Variants in USP8 observed in about 807,000 individuals in gnomAD.
The protein encoded by USP8 is ubiquitin carboxyl-terminal hydrolase 8.
USP8 carries 27 observed loss-of-function variants against 130.0 expected under a neutral mutation model. The observed-to-expected ratio is 0.21, with a 90% CI of 0.15 to 0.29. The LOEUF (loss-of-function observed/expected upper bound fraction) is 0.29, where lower values mean the gene tolerates loss of function less well. USP8 is among the 10% of genes least tolerant of loss of function. USP8 has a pLI of 1.00. For missense variants in USP8, 1,029 were observed against 1,312.2 expected (o/e 0.78, Z 3.33); for synonymous variants, 392 against 444.1 (o/e 0.88, Z 1.48).
rs2052680759 is a variant in USP8, at chr15:50,507,713, C to CAAT, written c.*8627_*8629dup. The CAAT allele has an allele frequency of 6.6e-6, 1 of 152,014 alleles. No homozygotes were observed. The highest frequency in any genetic ancestry group is 1.5e-5 in the Non-Finnish European group (1 of 68,000). The allele number at this position is 152,014 out of a possible 1,614,324, so 9.4% of individuals were successfully genotyped here. A position where few individuals can be genotyped will look rare whatever the true frequency, so the allele number is the denominator to read the frequency against. On this transcript the variant is annotated 3_prime_UTR_variant, in exon 20 of 20. Transcript: ENST00000307179. ...AATATTAGTATAGATACAGCTTTTA[C>CAAT]AATATATACTTAGATGAGTATCTGA...
intron 12 of USP8, 154 bp from the exon 13 acceptor site, chr15:50,489,646 CT>C (rs976622771): frequency 1.5e-5 from 6 of 390,690 alleles, no homozygotes; most frequent in Non-Finnish European, 1.8e-5. Context: ...TTTTTTTCAT[CT>C]CTGAATCTGT....
At position 50,503,344 on chromosome 15, in the gene USP8, TAAC is replaced by T. The variant is rs1268027340; in HGVS notation, c.*4261_*4263del. ...TGGGCGGAGCCCTAAACAGGAAATT[TAAC>T]AACAGTATGGTGTGTGGTTTATGCT... On this transcript the variant is annotated 3_prime_UTR_variant, in exon 20 of 20. Coordinates refer to ENST00000307179, the MANE Select transcript of USP8 (RefSeq NM_005154.5). 1 of 152,340 alleles carries T rather than the reference TAAC, an allele frequency of 6.6e-6. No individual in the cohort carries two copies. Among genetic ancestry groups the T allele is most frequent in the Non-Finnish European group, 1.5e-5 (1 of 68,144 alleles). 9.4% of individuals were successfully genotyped at this position (152,340 alleles called of 1,614,324 possible).
intron 1 of USP8, among the ~76,000 whole-genome samples, chr15:50,427,368 A>G (rs978303200): frequency 6.6e-6 from 1 of 152,096 alleles, no homozygotes; most frequent in Non-Finnish European, 1.5e-5. Context: ...TTCCTATTTC[A>G]TTTTGCAGAT....
chr15:50,490,188 TTGGAG>T (rs558743750), intron 13 of USP8, 70 bp from the exon 14 acceptor site: 20 of 1,414,420 alleles, frequency 1.4e-5, no homozygotes, highest in Non-Finnish European at 1.8e-5. Context: ...GCAGAATACT[TTGGAG>T]TGATTTCTTT....
At chr15:50,482,139 T>C (rs2051797728) in intron 11 of USP8, 74 bp downstream of exon 11, 1 of 1,356,098 alleles carries the variant, frequency 7.4e-7, no homozygotes, top group Admixed American at 2.7e-5. Flanking sequence ...ACCAGTGGCA[T>C]TCCATAAAAG....
chr15:50,450,462 C>CTTTTTTTTTTTTTTTTT (rs35800074), intron 4 of USP8, among the ~76,000 whole-genome samples: 4 of 80,456 alleles, frequency 5.0e-5, no homozygotes, highest in East Asian at 3.8e-4. Context: ...GTTAGTCATT[C>CTTTTTTTTTTTTTTTTT]TTTTTTTTTT....
chr15:50,444,061 G>A (rs768559186), intron 3 of USP8, among the ~76,000 whole-genome samples: 1 of 149,408 alleles, frequency 6.7e-6, no homozygotes, highest in East Asian at 2.0e-4. Context: ...GATAACTTTG[G>A]TAGTTTTGTT....
In USP8 at chr15:50,438,459, G is replaced by A. The variant is rs147248548; in HGVS notation, c.-65-550G>A. Among the ~76,000 whole-genome samples, 1,159 of 152,286 alleles carry A rather than the reference G, an allele frequency of 7.6e-3. 22 individuals are homozygous for A. The highest frequency in any genetic ancestry group is 7.5e-3 in the Non-Finnish European group (510 of 68,032). On this transcript the variant is annotated intron_variant, in intron 1 of 19. Coordinates refer to ENST00000307179, the MANE Select transcript of USP8 (RefSeq NM_005154.5). ...ACTAGCTGGGGGCATGGTGGCGAAC[G>A]CCTGGAATTCCAGCTACTTGGAGGC...
At chr15:50,450,722 C>T (rs1261142872) in intron 4 of USP8, among the ~76,000 whole-genome samples, 3 of 152,032 alleles carry the variant, frequency 2.0e-5, no homozygotes, top group Admixed American at 1.3e-4. Context: ...CTGCCTGCCT[C>T]GGCCTCCCAA....
intron 4 of USP8, among the ~76,000 whole-genome samples, chr15:50,449,911 T>TC (rs2050568223): frequency 1.0e-5 from 1 of 98,706 alleles, no homozygotes; most frequent in African/African-American, 3.4e-5. Context: ...TTTTTTTTTT[T>TC]CTGAGACGGA....
chr15:50,485,607 T>C (rs2141310212), intron 12 of USP8, among the ~76,000 whole-genome samples: 1 of 129,856 alleles, frequency 7.7e-6, no homozygotes, highest in Middle Eastern at 4.3e-3. Context: ...TGTGAAACCA[T>C]TAATACAATC....
At chr15:50,492,606 G>C in intron 14 of USP8, 95 bp from the exon 15 acceptor site, 1 of 1,220,528 alleles carries the variant, frequency 8.2e-7, no homozygotes, top group Non-Finnish European at 1.1e-6. Context: ...GATGCCTGTG[G>C]TACAGGTGCT....
intron 1 of USP8, among the ~76,000 whole-genome samples, chr15:50,427,771 C>A (rs2049791040): frequency 6.6e-6 from 1 of 151,748 alleles, no homozygotes; most frequent in Non-Finnish European, 1.5e-5. Context: ...GTTGGCCAGG[C>A]TGGTCTTGAA....
intron 1 of USP8, among the ~76,000 whole-genome samples, chr15:50,425,443 A>G (rs1340261620): frequency 6.6e-6 from 1 of 152,220 alleles, no homozygotes; most frequent in African/African-American, 2.4e-5. Flanking sequence ...TTTGCATTTC[A>G]GCCGATTCTG....
chr15:50,470,295 A>T (rs1195592325), intron 7 of USP8, among the ~76,000 whole-genome samples: 1 of 152,184 alleles, frequency 6.6e-6, no homozygotes, highest in East Asian at 1.9e-4. Context: ...AGTTTGTCTT[A>T]TGTTGAGTGC....
chr15:50,471,775 C>G lies in USP8; in HGVS notation c.829C>G (p.Leu277Val), dbSNP rs758377463. ...ACAGATTGGAACAACTCTCCGGAGT[C>G]TGAAAGATGCACTTTTCAAGGTTTG... is the stretch of plus-strand genomic sequence containing the variant. ...DLQIGTTLRS[L>V]KDALFKWESK... The change falls in exon 8 of 20, where the codon CTG becomes GTG. Residue 277 changes from leucine (L) to valine (V), a missense_variant. Physicochemically the swap from Leu to Val is conservative, Grantham distance 32. This residue lies in a region of USP8 where 281 missense variants were observed against 336.7 expected (regional missense o/e 0.83). Coordinates refer to ENST00000307179, the MANE Select transcript of USP8 (RefSeq NM_005154.5). The G allele has an allele frequency of 6.2e-7, 1 of 1,613,810 alleles. No homozygotes were observed. Among genetic ancestry groups the G allele is most frequent in the South Asian group, 1.1e-5 (1 of 90,988 alleles).
chr15:50,495,488 G>A (rs535330043), intron 16 of USP8, among the ~76,000 whole-genome samples: 2 of 148,484 alleles, frequency 1.3e-5, no homozygotes, highest in Non-Finnish European at 3.0e-5. Context: ...GAGATTGGAG[G>A]GGGGGGTCTC....
chr15:50,433,280 C>T (rs1158019785), intron 1 of USP8, among the ~76,000 whole-genome samples: 12 of 152,030 alleles, frequency 7.9e-5, no homozygotes, highest in Admixed American at 1.3e-4. Context: ...GTTTGTGGCA[C>T]CTTATACAGA....
Position 50,494,091 on chromosome 15 carries a change from A to T in USP8, c.2469A>T (p.Lys823Asn). ...ACAGGTCAAATTTGTTGGGGCATAAAGGTGAAGTGGCAGAAGAATTTGGTA... is the reference window on the plus strand; with the variant it reads ...ACAGGTCAAATTTGTTGGGGCATAATGGTGAAGTGGCAGAAGAATTTGGTA... The part of the protein sequence containing the change: ...DINRSNLLGH[K>N]GEVAEEFGII... Residue 823 changes from lysine (K) to asparagine (N), a missense_variant, in exon 16 of 20, where the codon AAA (lysine) becomes AAT (asparagine). By Grantham distance (94) the Lys-to-Asn change is moderately conservative. Coordinates refer to ENST00000307179, the MANE Select transcript of USP8 (RefSeq NM_005154.5). The T allele has an allele frequency of 6.2e-7, 1 of 1,608,378 alleles. No individual in the cohort carries two copies. Among genetic ancestry groups the T allele is most frequent in the Non-Finnish European group, 8.5e-7 (1 of 1,178,772 alleles).
Sources: gnomAD v4.1 joint callset for allele counts (sites outside exome capture counted in the v4.1 genomes callset) on GRCh38, gnomAD v4.1.1 for gene constraint, gnomAD v4.1.1 regional missense constraint, MANE v1.5 for transcripts, NCBI Gene and HGNC (gene_info 2026-07-23, HGNC 2026-07-21) for gene names.